The following AGTPBP1 variants were observed in gnomAD, a reference collection of about 807,000 sequenced individuals.
AGTPBP1 encodes cytosolic carboxypeptidase 1.
A neutral mutation model predicts 143.9 loss-of-function variants in AGTPBP1; 70 were observed. The observed-to-expected ratio is 0.49, with a 90% CI of 0.40 to 0.59. The LOEUF (loss-of-function observed/expected upper bound fraction) is 0.59. Among genes scored for constraint, AGTPBP1 ranks in the 20% least tolerant of loss-of-function variants. The probability of loss-of-function intolerance (pLI) is 0.00; values close to 1 mark genes in which losing one functional copy is unlikely to be tolerated. For synonymous variants in AGTPBP1, 463 were observed against 500.2 expected, an observed-to-expected ratio of 0.93 and a Z score of 0.99; for missense variants, 1,229 against 1,464.5, an observed-to-expected ratio of 0.84 and a Z score of 2.62.
At chr9:85,719,409 T>C (rs1325292344) in intron 1 of AGTPBP1, among the ~76,000 whole-genome samples, 1 of 152,172 alleles carries the variant, frequency 6.6e-6, no homozygotes. Context: ...TTCCTAGGTA[T>C]TTTATTCTCT....
At chr9:85,679,853 T>A (rs1339069509) in intron 4 of AGTPBP1, among the ~76,000 whole-genome samples, 1 of 152,228 alleles carries the variant, frequency 6.6e-6, no homozygotes, top group African/African-American at 2.4e-5. Flanking sequence ...TTTCTATTTC[T>A]TCATACTTAA....
intron 2 of AGTPBP1, among the ~76,000 whole-genome samples, chr9:85,699,086 C>T (rs894053551): frequency 7.2e-5 from 11 of 152,022 alleles, no homozygotes; most frequent in Non-Finnish European, 1.5e-4. Flanking sequence ...ATTGAAAAAA[C>T]GATCAATGTG....
rs1394344866 is a variant in AGTPBP1, at chr9:85,575,402, CT to C, written c.3415del (p.Arg1139AspfsTer2). On this transcript the variant is annotated frameshift_variant, in exon 25 of 26. Transcript: ENST00000357081. LOFTEE classifies it high-confidence loss of function. ...KFCVGLLRLK[R>X]LTSPLEYNLP... ...ATTATACTCCAATGGAGAGGTCAGT[CT>C]TTTCAAACGTAAAAGACCAACACAA... The C allele has an allele frequency of 6.2e-7, 1 of 1,611,334 alleles. No homozygotes were observed. Among genetic ancestry groups the C allele is most frequent in the East Asian group, 2.2e-5 (1 of 44,594 alleles).
At chr9:85,550,069 T>C (rs1252837479) in intron 25 of AGTPBP1, among the ~76,000 whole-genome samples, 1 of 152,146 alleles carries the variant, frequency 6.6e-6, no homozygotes, top group East Asian at 1.9e-4. Flanking sequence ...CATCGAGCTA[T>C]TGTGATGGGC....
chr9:85,657,584 C>T lies in AGTPBP1; in HGVS notation c.760G>A (p.Val254Ile), dbSNP rs1318139404. The change falls in exon 10 of 26, where the codon GTA becomes ATA. Residue 254 changes from valine (V) to isoleucine (I), a missense_variant. Physicochemically the swap from Val to Ile is conservative, Grantham distance 29 (BLOSUM62 3). Around this residue, in one of 2 missense-constraint regions of AGTPBP1, gnomAD observed 743 missense variants for 812.2 expected, o/e 0.91. Transcript: ENST00000357081. ...CGGTTATCATGGCGGTGCCAATCTA[C>T]ATAAATTGTTAAAAGCACTTGGACA... ...GYVQVLLTIY[V>I]DWHRHDNRHR... The T allele has an allele frequency of 6.2e-7, 1 of 1,614,046 alleles. No homozygotes were observed. The highest frequency in any genetic ancestry group is 1.7e-5 in the Admixed American group (1 of 60,024).
At chr9:85,736,152 C>T (rs572292557) in intron 1 of AGTPBP1, among the ~76,000 whole-genome samples, 1 of 152,258 alleles carries the variant, frequency 6.6e-6, no homozygotes, top group African/African-American at 2.4e-5. Context: ...TAGAAATGTA[C>T]TACCGGGTCT....
chr9:85,595,935 T>C (rs1430427374), intron 18 of AGTPBP1, among the ~76,000 whole-genome samples: 1 of 152,198 alleles, frequency 6.6e-6, no homozygotes, highest in Non-Finnish European at 1.5e-5. Context: ...GTTAACATTT[T>C]GGAAATTAAA....
At chr9:85,642,966 T>C (rs1156980022) in intron 12 of AGTPBP1, 23 bp from the exon 13 acceptor site, 1 of 1,560,350 alleles carries the variant, frequency 6.4e-7, no homozygotes, top group Non-Finnish European at 8.7e-7. Context: ...AAAGAGTATG[T>C]TATCAGGTAA....
At position 85,692,800 on chromosome 9, in the gene AGTPBP1, A is replaced by C. The variant is rs1835966210; in HGVS notation, c.46T>G (p.Ser16Ala). 6.2e-7 allele frequency: 1 copy of C among 1,613,630 alleles called. No homozygotes were observed. ...TGAGCCAGGAGTCCTACGATCCTAG[A>C]ATTATTGGTAAGGCTAAAAAGAACG... Reference protein sequence around the residue: ...VIPEKSLTNNSRIVGLLAQLE... With the variant: ...VIPEKSLTNNARIVGLLAQLE... Residue 16 changes from serine (S) to alanine (A), a missense_variant, in exon 3 of 26, where the codon TCT (serine) becomes GCT (alanine). By Grantham distance (99) the Ser-to-Ala change is moderately conservative. Around this residue, in one of 2 missense-constraint regions of AGTPBP1, gnomAD observed 743 missense variants for 812.2 expected, o/e 0.91. Transcript: ENST00000357081.
chr9:85,623,876 T>C (rs2133588944), intron 14 of AGTPBP1, among the ~76,000 whole-genome samples: 1 of 152,176 alleles, frequency 6.6e-6, no homozygotes, highest in South Asian at 2.1e-4. Flanking sequence ...CCTATTGAAA[T>C]ACATGGCTTT....
intron 8 of AGTPBP1, 64 bp from the exon 9 acceptor site, chr9:85,661,037 A>G: frequency 7.5e-7 from 1 of 1,334,110 alleles, no homozygotes; most frequent in South Asian, 1.4e-5. Flanking sequence ...ACAATAGTAA[A>G]TTCATACAAT....
intron 2 of AGTPBP1, among the ~76,000 whole-genome samples, chr9:85,703,911 C>CA (rs1231822282): frequency 1.3e-5 from 2 of 152,156 alleles, no homozygotes; most frequent in Non-Finnish European, 2.9e-5. Context: ...GGAAGAAAAA[C>CA]AAGAGACAAT....
intron 2 of AGTPBP1, among the ~76,000 whole-genome samples, chr9:85,702,023 T>C (rs1159978813): frequency 6.6e-6 from 1 of 152,212 alleles, no homozygotes; most frequent in Non-Finnish European, 1.5e-5. Flanking sequence ...TTTACCTAGC[T>C]ACCCAAAAGA....
At chr9:85,749,885 C>T in the AGTPBP1 span, among the ~76,000 whole-genome samples, 4 of 143,078 alleles carry the variant, frequency 2.8e-5, no homozygotes, top group Non-Finnish European at 6.1e-5. Flanking sequence ...TCCTGTATCC[C>T]TTTTTTTTTT....
chr9:85,617,006 G>T (rs1186259123), intron 17 of AGTPBP1, among the ~76,000 whole-genome samples: 1 of 151,898 alleles, frequency 6.6e-6, no homozygotes, highest in Admixed American at 6.6e-5. Context: ...ACTAAACCAG[G>T]TATTATGCTA....
chr9:85,637,115 C>G (rs1202250644), intron 13 of AGTPBP1, among the ~76,000 whole-genome samples: 1 of 150,108 alleles, frequency 6.7e-6, no homozygotes, highest in Admixed American at 6.7e-5. Flanking sequence ...GATCTCAGCT[C>G]ACTGCAACCT....
chr9:85,612,772 C>A (rs1830391894), intron 17 of AGTPBP1, among the ~76,000 whole-genome samples: 1 of 152,048 alleles, frequency 6.6e-6, no homozygotes, highest in South Asian at 2.1e-4. Context: ...AGGAAGGACA[C>A]CCAGTTGGTG....
the AGTPBP1 span, among the ~76,000 whole-genome samples, chr9:85,770,028 T>C: frequency 1.3e-5 from 2 of 151,980 alleles, no homozygotes; most frequent in Non-Finnish European, 2.9e-5. Flanking sequence ...TCCATCAGGT[T>C]TATTGTGAGG....
chr9:85,654,864 A>T, intron 11 of AGTPBP1, among the ~76,000 whole-genome samples: 1 of 152,240 alleles, frequency 6.6e-6, no homozygotes, highest in Non-Finnish European at 1.5e-5. Context: ...TTAAAACAAA[A>T]AAAAAGTACA....
Sources: gnomAD v4.1 joint callset for allele counts (sites outside exome capture counted in the v4.1 genomes callset) on GRCh38, gnomAD v4.1.1 for gene constraint, gnomAD v4.1.1 regional missense constraint, MANE v1.5 for transcripts, NCBI Gene and HGNC (gene_info 2026-07-23, HGNC 2026-07-21) for gene names.